Variants in ZNF804B observed in about 807,000 individuals in gnomAD.
ZNF804B encodes the protein zinc finger protein 804B.
Under a neutral mutation model 101.4 loss-of-function variants are expected in ZNF804B, and 80 were observed. The observed-to-expected ratio is 0.79, with a 90% confidence interval of 0.66 to 0.95. ZNF804B has a LOEUF of 0.95. Ranked by LOEUF, ZNF804B falls within the 40% of genes least tolerant of loss-of-function variation. The probability of loss-of-function intolerance (pLI) is 0.00; values close to 1 mark genes in which losing one functional copy is unlikely to be tolerated. For missense variants in ZNF804B, 1,673 were observed against 1,561.9 expected (o/e 1.07, Z -1.20); for synonymous variants, 622 against 558.8 (o/e 1.11, Z -1.59).
chr7:89,295,419 C>G (rs1257940131), intron 2 of ZNF804B, among the ~76,000 whole-genome samples: 1 of 152,058 alleles, frequency 6.6e-6, no homozygotes, highest in Non-Finnish European at 1.5e-5. Flanking sequence ...ATTTTTCTCA[C>G]CATGAAGACC....
intron 1 of ZNF804B, among the ~76,000 whole-genome samples, chr7:88,886,560 T>A (rs1792131104): frequency 6.6e-6 from 1 of 152,142 alleles, no homozygotes; most frequent in South Asian, 2.1e-4. Flanking sequence ...TTCTTAATGA[T>A]CTGAGTGCTA....
chr7:89,331,160 A>G (rs1376107081), intron 3 of ZNF804B, among the ~76,000 whole-genome samples: 1 of 151,584 alleles, frequency 6.6e-6, no homozygotes, highest in Admixed American at 6.6e-5. Context: ...GCTTCTGGAG[A>G]AGATTAACTT....
chr7:89,329,450 T>C (rs754687058), intron 3 of ZNF804B, among the ~76,000 whole-genome samples: 13 of 151,746 alleles, frequency 8.6e-5, no homozygotes, highest in Admixed American at 2.0e-4. Flanking sequence ...ACCCTTCTCC[T>C]GGACAATCTT....
intron 1 of ZNF804B, among the ~76,000 whole-genome samples, chr7:88,919,173 G>A (rs1792682314): frequency 1.3e-5 from 2 of 151,990 alleles, no homozygotes; most frequent in South Asian, 4.1e-4. Flanking sequence ...TTCCCTACTT[G>A]GGGTGTCTTG....
At chr7:88,914,406 T>A (rs1470200590) in intron 1 of ZNF804B, among the ~76,000 whole-genome samples, 1 of 152,234 alleles carries the variant, frequency 6.6e-6, no homozygotes, top group East Asian at 1.9e-4. Flanking sequence ...AGTTACAAAA[T>A]GAAAAACATG....
At chr7:89,158,154 A>G (rs1350760422) in intron 1 of ZNF804B, among the ~76,000 whole-genome samples, 1 of 152,304 alleles carries the variant, frequency 6.6e-6, no homozygotes, top group South Asian at 2.1e-4. Flanking sequence ...TCTGGTTTGA[A>G]TCACTTTCTT....
At chr7:88,930,385 A>G (rs969670689) in intron 1 of ZNF804B, among the ~76,000 whole-genome samples, 5 of 152,012 alleles carry the variant, frequency 3.3e-5, no homozygotes, top group Middle Eastern at 3.2e-3. Flanking sequence ...TAAACCTCCA[A>G]CAATTTAAAA....
chr7:88,875,592 C>G (rs903055044), intron 1 of ZNF804B, among the ~76,000 whole-genome samples: 7 of 152,072 alleles, frequency 4.6e-5, no homozygotes, highest in South Asian at 2.1e-4. Context: ...CACATACACT[C>G]TCCCAAGACT....
intron 1 of ZNF804B, among the ~76,000 whole-genome samples, chr7:88,785,228 T>A (rs1167839620): frequency 6.6e-6 from 1 of 152,114 alleles, no homozygotes; most frequent in Non-Finnish European, 1.5e-5. Flanking sequence ...ATATTCTTGA[T>A]CTTAGGGAAT....
At chr7:89,154,105 A>G (rs1169074123) in intron 1 of ZNF804B, among the ~76,000 whole-genome samples, 1 of 152,204 alleles carries the variant, frequency 6.6e-6, no homozygotes, top group Non-Finnish European at 1.5e-5. Flanking sequence ...AAGAAGACAT[A>G]CAAATGGCAA....
chr7:89,266,899 G>T (rs193167510), intron 2 of ZNF804B, among the ~76,000 whole-genome samples: 1 of 152,208 alleles, frequency 6.6e-6, no homozygotes, highest in Non-Finnish European at 1.5e-5. Flanking sequence ...GTGTCTTTGG[G>T]AGTGTTGGCA....
At chr7:89,047,972 A>G (rs962047869) in intron 1 of ZNF804B, among the ~76,000 whole-genome samples, 1 of 150,024 alleles carries the variant, frequency 6.7e-6, no homozygotes, top group African/African-American at 2.5e-5. Flanking sequence ...ATTAATTTCC[A>G]TAGGTTATTT....
intron 1 of ZNF804B, among the ~76,000 whole-genome samples, chr7:89,167,839 T>G (rs902929737): frequency 4.6e-5 from 7 of 152,148 alleles, no homozygotes; most frequent in African/African-American, 1.4e-4. Context: ...TTCCTTATTA[T>G]ATAAGTAACC....
intron 1 of ZNF804B, among the ~76,000 whole-genome samples, chr7:88,807,842 G>A (rs1358295730): frequency 3.3e-5 from 5 of 152,080 alleles, no homozygotes; most frequent in African/African-American, 1.2e-4. Flanking sequence ...TCTGCCCTCA[G>A]GAAAGTATAA....
chr7:89,047,728 A>T (rs180951406), intron 1 of ZNF804B, among the ~76,000 whole-genome samples: 1 of 152,198 alleles, frequency 6.6e-6, no homozygotes, highest in Non-Finnish European at 1.5e-5. Context: ...AACAGCATGA[A>T]CTCAGGGCAC....
chr7:89,149,047 A>G (rs1430716162), intron 1 of ZNF804B, among the ~76,000 whole-genome samples: 1 of 151,948 alleles, frequency 6.6e-6, no homozygotes, highest in South Asian at 2.1e-4. Context: ...TTATCTTGTC[A>G]CTCAATAGAA....
intron 2 of ZNF804B, among the ~76,000 whole-genome samples, chr7:89,280,023 G>C (rs1172620712): frequency 1.3e-5 from 2 of 151,946 alleles, no homozygotes; most frequent in Non-Finnish European, 2.9e-5. Flanking sequence ...GCTGTCCTCA[G>C]CAAATGTAAA....
intron 1 of ZNF804B, among the ~76,000 whole-genome samples, chr7:89,204,150 G>A (rs1302026035): frequency 2.0e-5 from 3 of 152,090 alleles, no homozygotes; most frequent in Non-Finnish European, 4.4e-5. Flanking sequence ...GTTGTCCAAC[G>A]TTTTTCATTG....
At chr7:88,923,511 G>A (rs1792753872) in intron 1 of ZNF804B, among the ~76,000 whole-genome samples, 1 of 151,996 alleles carries the variant, frequency 6.6e-6, no homozygotes, top group East Asian at 1.9e-4. Context: ...GATTCAACTT[G>A]TTCAAAATGG....
Sources: gnomAD v4.1 joint callset for allele counts (sites outside exome capture counted in the v4.1 genomes callset) on GRCh38, gnomAD v4.1.1 for gene constraint, MANE v1.5 for transcripts, NCBI Gene and HGNC (gene_info 2026-07-23, HGNC 2026-07-21) for gene names.